GRID1: variants seen among roughly 807,000 people sequenced by gnomAD.
GRID1 encodes the protein glutamate ionotropic receptor delta type subunit 1, also known as glutamate receptor ionotropic, delta-1.
A neutral mutation model predicts 98.0 loss-of-function variants in GRID1; 28 were observed. The observed-to-expected ratio is 0.29, with a 90% CI of 0.21 to 0.39. GRID1 has a LOEUF of 0.39. GRID1 is among the 10% of genes least tolerant of loss of function. The pLI, the probability that GRID1 is intolerant of heterozygous loss-of-function variation, is 1.00. For synonymous variants in GRID1, 553 were observed against 538.5 expected, an observed-to-expected ratio of 1.03 and a Z score of -0.37; for missense variants, 1,111 against 1,340.5, an observed-to-expected ratio of 0.83 and a Z score of 2.67.
chr10:85,888,721 C>A (rs1011358594), intron 5 of GRID1, among the ~76,000 whole-genome samples: 32 of 152,120 alleles, frequency 2.1e-4, no homozygotes, highest in Non-Finnish European at 1.8e-4. Flanking sequence ...TTTCTTGTCA[C>A]CTACTTTTAC....
At chr10:86,294,994 G>A (rs1847567332) in intron 2 of GRID1, among the ~76,000 whole-genome samples, 1 of 152,128 alleles carries the variant, frequency 6.6e-6, no homozygotes, top group African/African-American at 2.4e-5. Flanking sequence ...ACTGAGATTG[G>A]GCCACTGGAC....
At chr10:86,208,462 G>A (rs1427431096) in intron 2 of GRID1, among the ~76,000 whole-genome samples, 1 of 151,964 alleles carries the variant, frequency 6.6e-6, no homozygotes, top group Non-Finnish European at 1.5e-5. Flanking sequence ...GGGTGGTCTT[G>A]CAAGCTCCCA....
At chr10:86,154,797 C>G (rs1845221414) in intron 3 of GRID1, among the ~76,000 whole-genome samples, 1 of 152,156 alleles carries the variant, frequency 6.6e-6, no homozygotes, top group Non-Finnish European at 1.5e-5. Flanking sequence ...CCATCGTAAG[C>G]TGGGCAAGAG....
At chr10:85,626,660 C>A (rs1842916229) in intron 13 of GRID1, among the ~76,000 whole-genome samples, 1 of 152,154 alleles carries the variant, frequency 6.6e-6, no homozygotes, top group South Asian at 2.1e-4. Flanking sequence ...AGAGTTCAGC[C>A]TTTTCAAGCA....
At chr10:86,000,835 A>AT (rs1411971604) in intron 4 of GRID1, among the ~76,000 whole-genome samples, 2 of 152,214 alleles carry the variant, frequency 1.3e-5, no homozygotes, top group African/African-American at 4.8e-5. Flanking sequence ...CACACTTACC[A>AT]TACAACTAAG....
intron 2 of GRID1, among the ~76,000 whole-genome samples, chr10:86,217,175 G>C (rs1846187864): frequency 6.6e-6 from 1 of 152,128 alleles, no homozygotes. Context: ...AAAATCACAG[G>C]GGAGCCTGGG....
chr10:86,097,455 G>C (rs552866177), intron 4 of GRID1, among the ~76,000 whole-genome samples: 7 of 152,244 alleles, frequency 4.6e-5, no homozygotes, highest in African/African-American at 1.2e-4. Flanking sequence ...TCTATCATCT[G>C]TCTACCGTCT....
At chr10:85,726,276 A>G (rs912681563) in intron 10 of GRID1, among the ~76,000 whole-genome samples, 1 of 152,054 alleles carries the variant, frequency 6.6e-6, no homozygotes, top group Non-Finnish European at 1.5e-5. Context: ...ATTCTTAGGT[A>G]GCTCAAGAAG....
chr10:86,294,963 G>T (rs115585230), intron 2 of GRID1, among the ~76,000 whole-genome samples: 158 of 152,248 alleles, frequency 1.0e-3, no homozygotes, highest in African/African-American at 3.6e-3. Flanking sequence ...GAACAGTGGG[G>T]GCGGGACAGG....
chr10:86,201,753 G>C (rs1256202928), intron 3 of GRID1, among the ~76,000 whole-genome samples: 1 of 149,568 alleles, frequency 6.7e-6, no homozygotes, highest in Non-Finnish European at 1.5e-5. Context: ...TACATGTACA[G>C]TGTTTTAAAT....
intron 4 of GRID1, among the ~76,000 whole-genome samples, chr10:85,973,723 T>A (rs1360605284): frequency 1.3e-5 from 2 of 152,202 alleles, no homozygotes; most frequent in Admixed American, 6.5e-5. Flanking sequence ...GCTACAATTA[T>A]AAATTGAGAA....
intron 2 of GRID1, among the ~76,000 whole-genome samples, chr10:86,350,137 G>C (rs1848442403): frequency 6.6e-6 from 1 of 152,202 alleles, no homozygotes; most frequent in Non-Finnish European, 1.5e-5. Context: ...TTGTTGGAGA[G>C]ATGGGGAAAA....
chr10:85,647,494 C>A, intron 12 of GRID1, 97 bp from the exon 13 acceptor site: 1 of 884,082 alleles, frequency 1.1e-6, no homozygotes, highest in Non-Finnish European at 1.8e-6. Context: ...ACTCCAAGCC[C>A]GGCATGGCCC....
chr10:85,874,565 T>G (rs989287912), intron 5 of GRID1, among the ~76,000 whole-genome samples: 1 of 152,224 alleles, frequency 6.6e-6, no homozygotes, highest in Non-Finnish European at 1.5e-5. Context: ...TGTTAATTTG[T>G]GGGAATATAT....
chr10:85,739,784 T>G (rs1269407573), intron 8 of GRID1, among the ~76,000 whole-genome samples: 2 of 152,058 alleles, frequency 1.3e-5, no homozygotes, highest in African/African-American at 4.8e-5. Flanking sequence ...CCATGGTGTG[T>G]GGGGGGAAAA....
chr10:85,910,581 A>C (rs1005826539), intron 5 of GRID1, among the ~76,000 whole-genome samples: 3 of 152,150 alleles, frequency 2.0e-5, no homozygotes, highest in African/African-American at 4.8e-5. Context: ...GGGGCCTGAG[A>C]CTCAAAAACA....
rs72842951 is a variant in GRID1 at position 85,903,037 on chromosome 10, C to T, written c.780+13149G>A. Among the ~76,000 whole-genome samples, 959 of 152,212 alleles carry T rather than the reference C, an allele frequency of 6.3e-3. 10 individuals carry two copies. Among genetic ancestry groups the T allele is most frequent in the South Asian group, 0.032 (156 of 4,814 alleles). ...CTTCGCATTTTTAGTAATGCAACCC[C>T]TCTGTGGTCTCATCCAGTCACATGA... On this transcript the variant is annotated intron_variant, in intron 5 of 15. Coordinates refer to ENST00000327946, the MANE Select transcript of GRID1 (RefSeq NM_017551.3).
intron 2 of GRID1, among the ~76,000 whole-genome samples, chr10:86,329,515 A>G (rs1196426257): frequency 2.4e-4 from 36 of 152,210 alleles, no homozygotes; most frequent in Admixed American, 2.4e-3. Flanking sequence ...CCTACTGGTG[A>G]AAGGATAGGG....
chr10:85,724,809 G>A, intron 10 of GRID1, 133 bp from the exon 11 acceptor site: 1 of 629,540 alleles, frequency 1.6e-6, no homozygotes, highest in East Asian at 2.7e-5. Flanking sequence ...GGCACCCTGA[G>A]AGTCTGAATA....
Sources: allele counts gnomAD v4.1 joint callset (sites outside exome capture counted in the v4.1 genomes callset), GRCh38; gene constraint gnomAD v4.1.1; transcripts MANE v1.5; gene names NCBI Gene and HGNC (gene_info 2026-07-23, HGNC 2026-07-21).